ACTR3C: variants seen among roughly 807,000 people sequenced by gnomAD.
The protein encoded by ACTR3C is actin related protein 3C, also known as actin-related protein 3C.
Under a neutral mutation model 26.3 loss-of-function variants are expected in ACTR3C, and 18 were observed. The ratio of observed to expected loss-of-function variants is 0.68; its 90% CI spans 0.47 to 1.01. The LOEUF is 1.01. Among genes scored for constraint, ACTR3C ranks in the 50% least tolerant of loss-of-function variants. The pLI, the probability that ACTR3C is intolerant of heterozygous loss-of-function variation, is 0.00. For synonymous variants in ACTR3C, 55 were observed against 94.5 expected (o/e 0.58, Z 2.42); for missense variants, 184 against 250.7 (o/e 0.73, Z 1.80).
chr7:149,977,812 G>T, the ACTR3C span, among the ~76,000 whole-genome samples: 14,123 of 152,176 alleles, frequency 0.093, 802 homozygotes, highest in Non-Finnish European at 0.13. Context: ...TGACATGACT[G>T]CATCATAGCC....
At chr7:150,253,132 G>T (rs914407475) in intron 6 of ACTR3C, among the ~76,000 whole-genome samples, 2 of 152,078 alleles carry the variant, frequency 1.3e-5, no homozygotes, top group Non-Finnish European at 2.9e-5. Flanking sequence ...CTCTGCCCAC[G>T]CCGTGTAAAG....
chr7:150,229,170 A>G, the ACTR3C span, among the ~76,000 whole-genome samples: 4 of 151,844 alleles, frequency 2.6e-5, no homozygotes, highest in East Asian at 3.9e-4. Context: ...TCTGTTATAT[A>G]TTTGTTCATT....
At chr7:150,109,108 A>T in the ACTR3C span, among the ~76,000 whole-genome samples, 4 of 152,026 alleles carry the variant, frequency 2.6e-5, no homozygotes, top group African/African-American at 9.7e-5. Flanking sequence ...ACTGGATTTA[A>T]GCAAATGCAC....
At chr7:150,112,739 A>C in the ACTR3C span, among the ~76,000 whole-genome samples, 2 of 152,264 alleles carry the variant, frequency 1.3e-5, no homozygotes, top group South Asian at 4.1e-4. Context: ...TCCAGGGACA[A>C]AGGGTAATTA....
intron 3 of ACTR3C, among the ~76,000 whole-genome samples, 184 bp downstream of exon 3, chr7:150,293,128 T>C (rs554727991): frequency 6.6e-6 from 1 of 152,092 alleles, no homozygotes; most frequent in East Asian, 1.9e-4. Flanking sequence ...CTTTCCCACA[T>C]ACTTGGGGAA....
At chr7:150,232,205 G>C in the ACTR3C span, among the ~76,000 whole-genome samples, 1 of 152,108 alleles carries the variant, frequency 6.6e-6, no homozygotes, top group Admixed American at 6.6e-5. Flanking sequence ...TTAAAAATTA[G>C]TGTTAACAAG....
At chr7:150,198,267 C>T in the ACTR3C span, among the ~76,000 whole-genome samples, 70 of 149,532 alleles carry the variant, frequency 4.7e-4, 1 homozygote, top group Middle Eastern at 0.014. Context: ...GGCCGCCACC[C>T]CGTCTGGGAA....
At chr7:150,104,096 T>C in the ACTR3C span, among the ~76,000 whole-genome samples, 1 of 151,650 alleles carries the variant, frequency 6.6e-6, no homozygotes, top group Non-Finnish European at 1.5e-5. Flanking sequence ...CAGTCTTTTT[T>C]CTAAACAAAT....
At chr7:150,183,876 G>T in the ACTR3C span, among the ~76,000 whole-genome samples, 2 of 149,874 alleles carry the variant, frequency 1.3e-5, no homozygotes, top group Non-Finnish European at 2.9e-5. Context: ...TTCCCCCCAG[G>T]CTGTTCTTGT....
chr7:149,892,939 A>C, the ACTR3C span, among the ~76,000 whole-genome samples: 2 of 151,498 alleles, frequency 1.3e-5, no homozygotes, highest in African/African-American at 2.4e-5. Flanking sequence ...GTAGCCAAAA[A>C]AAGTACCATA....
the ACTR3C span, among the ~76,000 whole-genome samples, chr7:150,202,406 C>G: frequency 6.6e-6 from 1 of 151,910 alleles, no homozygotes; most frequent in African/African-American, 2.4e-5. Context: ...GCGAGTTTGC[C>G]TCTATTACCC....
the ACTR3C span, among the ~76,000 whole-genome samples, chr7:150,198,404 C>T: frequency 6.9e-5 from 10 of 145,748 alleles, no homozygotes; most frequent in Admixed American, 5.4e-4. Flanking sequence ...GTGAGGAGCG[C>T]CTCTTCCCAG....
At chr7:150,028,729 C>T in the ACTR3C span, among the ~76,000 whole-genome samples, 5 of 152,238 alleles carry the variant, frequency 3.3e-5, no homozygotes, top group African/African-American at 4.8e-5. Flanking sequence ...GCCTCGGGTT[C>T]GTGTTAATCC....
At chr7:149,919,212 G>A in the ACTR3C span, among the ~76,000 whole-genome samples, 200 of 150,542 alleles carry the variant, frequency 1.3e-3, no homozygotes, top group African/African-American at 4.8e-3. Flanking sequence ...TTCTTTTACT[G>A]TGCATTTGTT....
the ACTR3C span, among the ~76,000 whole-genome samples, chr7:150,116,604 C>T: frequency 6.6e-6 from 1 of 152,148 alleles, no homozygotes; most frequent in Non-Finnish European, 1.5e-5. Flanking sequence ...GGAGAAATAG[C>T]TCTGACCTAA....
intron 1 of ACTR3C, among the ~76,000 whole-genome samples, chr7:150,315,215 GACT>G (rs1479080595): frequency 6.6e-6 from 1 of 151,360 alleles, no homozygotes; most frequent in Non-Finnish European, 1.5e-5. Context: ...AAAAAGCAAT[GACT>G]ATAAAAGACT....
the ACTR3C span, among the ~76,000 whole-genome samples, chr7:150,033,053 C>A: frequency 6.6e-6 from 1 of 152,168 alleles, no homozygotes; most frequent in South Asian, 2.1e-4. Context: ...ATTGCGAGGG[C>A]CCCAACAATC....
chr7:150,183,957 G>C, the ACTR3C span, among the ~76,000 whole-genome samples: 1 of 150,448 alleles, frequency 6.6e-6, no homozygotes. Context: ...CTCTCATTCT[G>C]TCTCCTGCTG....
the ACTR3C span, among the ~76,000 whole-genome samples, chr7:150,049,208 CCCCTCCCGG>C: frequency 6.6e-6 from 1 of 152,054 alleles, no homozygotes; most frequent in Non-Finnish European, 1.5e-5. Context: ...GGCTTCTCTT[CCCCTCCCGG>C]CCCTCCCGCG....
Sources: allele counts gnomAD v4.1 joint callset (sites outside exome capture counted in the v4.1 genomes callset), GRCh38; gene constraint gnomAD v4.1.1; transcripts MANE v1.5; gene names NCBI Gene and HGNC (gene_info 2026-07-23, HGNC 2026-07-21).